The following CSNK1G1 variants were observed in gnomAD, a reference collection of about 807,000 sequenced individuals.
CSNK1G1 encodes casein kinase 1 gamma 1, also known as casein kinase I isoform gamma-1.
Under a neutral mutation model 59.6 loss-of-function variants are expected in CSNK1G1, and 22 were observed. The ratio of observed to expected loss-of-function variants is 0.37; its 90% CI spans 0.26 to 0.53. The LOEUF (loss-of-function observed/expected upper bound fraction) is 0.53, where lower values mean the gene tolerates loss of function less well. Among genes scored for constraint, CSNK1G1 ranks in the 20% least tolerant of loss-of-function variants. The pLI is 0.89. For missense variants in CSNK1G1, 384 were observed against 519.5 expected (o/e 0.74, Z 2.54); for synonymous variants, 179 against 177.1 (o/e 1.01, Z -0.08).
rs562325646 is a variant in CSNK1G1, at chr15:64,188,470, G to A, written c.1108-8016C>T. On this transcript the variant is annotated intron_variant, in intron 10 of 11. Transcript: ENST00000303052. This position sits in a 1 kb window ranked among gnomAD's most constrained non-coding sequence, Gnocchi z 4.2. ...GGCTGAATTTCCCACTCTCCTCGGC[G>A]CTCTGATGATACATTCTGCTTAGGC... 9.8e-6 allele frequency: 15 copies of A among 1,535,970 alleles called. No homozygotes were observed. The African/African-American group carries it at 1.5e-4, about 15-fold the overall frequency.
At chr15:64,338,237 A>G (rs1596295699) in intron 1 of CSNK1G1, among the ~76,000 whole-genome samples, 1 of 152,120 alleles carries the variant, frequency 6.6e-6, no homozygotes, top group African/African-American at 2.4e-5. Context: ...TAGAGTTCCA[A>G]TTTCTCCACA....
intron 10 of CSNK1G1, among the ~76,000 whole-genome samples, chr15:64,190,560 A>G (rs2081956988): frequency 6.6e-6 from 1 of 151,994 alleles, no homozygotes; most frequent in African/African-American, 2.4e-5. Flanking sequence ...GATTACAGGC[A>G]TGTGCCACCA....
chr15:64,241,642 A>G (rs1399772272), intron 4 of CSNK1G1, among the ~76,000 whole-genome samples: 2 of 152,216 alleles, frequency 1.3e-5, no homozygotes, highest in Non-Finnish European at 2.9e-5. Context: ...AGAGATCAAT[A>G]ACAAGAGGAA....
intron 1 of CSNK1G1, among the ~76,000 whole-genome samples, chr15:64,318,387 G>A (rs1293923994): frequency 1.3e-5 from 2 of 152,024 alleles, no homozygotes; most frequent in African/African-American, 2.4e-5. Context: ...GAAATTTGTG[G>A]CATGAGATTA....
At chr15:64,304,479 C>G (rs1895557911) in intron 1 of CSNK1G1, among the ~76,000 whole-genome samples, 1 of 150,600 alleles carries the variant, frequency 6.6e-6, no homozygotes. Context: ...ATTAAAGTTA[C>G]TAAGTTTTTT....
intron 1 of CSNK1G1, among the ~76,000 whole-genome samples, chr15:64,327,259 G>A (rs1401836753): frequency 2.6e-5 from 4 of 151,848 alleles, no homozygotes; most frequent in African/African-American, 7.3e-5. Flanking sequence ...AACCTCTGCA[G>A]ACTTAAATGT....
At chr15:64,226,596 A>G (rs76635506) in intron 4 of CSNK1G1, among the ~76,000 whole-genome samples, 8 of 150,174 alleles carry the variant, frequency 5.3e-5, no homozygotes, top group African/African-American at 1.7e-4. Flanking sequence ...AAAAAAAAAA[A>G]GGAGACTAAC....
intron 2 of CSNK1G1, among the ~76,000 whole-genome samples, chr15:64,282,220 T>C (rs961118049): frequency 6.6e-6 from 1 of 152,116 alleles, no homozygotes; most frequent in Non-Finnish European, 1.5e-5. Flanking sequence ...TGAACCATCA[T>C]GCCCAGCCTC....
chr15:64,174,580 T>C (rs1480330654), intron 11 of CSNK1G1, among the ~76,000 whole-genome samples: 2 of 152,180 alleles, frequency 1.3e-5, no homozygotes, highest in African/African-American at 4.8e-5. Flanking sequence ...ATGGCTTAGG[T>C]TTCCTTTCAG....
chr15:64,245,507 T>C (rs988361785), intron 4 of CSNK1G1, among the ~76,000 whole-genome samples: 3 of 152,172 alleles, frequency 2.0e-5, no homozygotes, highest in African/African-American at 7.2e-5. Context: ...TGTACGTCCA[T>C]GTTTATTACA....
intron 7 of CSNK1G1, among the ~76,000 whole-genome samples, chr15:64,205,695 G>T (rs771793021): frequency 6.6e-5 from 10 of 152,194 alleles, no homozygotes; most frequent in Non-Finnish European, 1.5e-4. Flanking sequence ...AATGATTTAT[G>T]GACAACGAGA....
At chr15:64,277,875 ATAT>A (rs1274138020) in intron 2 of CSNK1G1, among the ~76,000 whole-genome samples, 2 of 138,792 alleles carry the variant, frequency 1.4e-5, no homozygotes, top group Non-Finnish European at 1.5e-5. Context: ...TTTAATAATA[ATAT>A]TGATATATTT....
At chr15:64,178,788 T>TTG (rs142872852) in intron 11 of CSNK1G1, among the ~76,000 whole-genome samples, 111 of 150,018 alleles carry the variant, frequency 7.4e-4, no homozygotes, top group East Asian at 2.8e-3. Flanking sequence ...CCAAAAACTT[T>TTG]TGTGTGTGTG....
chr15:64,229,902 ATTTTTTTTTTTTTTTTTT>A (rs533868270), intron 4 of CSNK1G1, among the ~76,000 whole-genome samples: 34 of 43,806 alleles, frequency 7.8e-4, no homozygotes, highest in Admixed American at 2.8e-3. Context: ...ATGTTTGTAA[ATTTTTTTTTTTTTTTTTT>A]TTTTTTTTTT....
chr15:64,287,593 G>T (rs547754731), intron 2 of CSNK1G1, among the ~76,000 whole-genome samples: 1 of 152,252 alleles, frequency 6.6e-6, no homozygotes, highest in South Asian at 2.1e-4. Flanking sequence ...TCATCAGTAT[G>T]TTCTTCAAAG....
intron 2 of CSNK1G1, among the ~76,000 whole-genome samples, chr15:64,280,149 C>T (rs772549045): frequency 3.9e-5 from 6 of 152,228 alleles, no homozygotes; most frequent in East Asian, 3.9e-4. Flanking sequence ...AAGAAGTACA[C>T]GTATATACGC....
At chr15:64,173,802 C>T (rs1481369302) in intron 11 of CSNK1G1, among the ~76,000 whole-genome samples, 8 of 151,648 alleles carry the variant, frequency 5.3e-5, no homozygotes, top group African/African-American at 1.5e-4. Context: ...TTAGTAGAGA[C>T]GGGGTTTCAC....
chr15:64,341,663 CAG>C (rs1287704332), intron 1 of CSNK1G1, among the ~76,000 whole-genome samples: 2 of 151,996 alleles, frequency 1.3e-5, no homozygotes, highest in Non-Finnish European at 1.5e-5. Flanking sequence ...TTTATAGAGA[CAG>C]AGTCTTGCTA....
chr15:64,311,470 A>C (rs952745624), intron 1 of CSNK1G1, among the ~76,000 whole-genome samples: 1 of 152,228 alleles, frequency 6.6e-6, no homozygotes, highest in Non-Finnish European at 1.5e-5. Context: ...ACATTTATTC[A>C]AAGTGTTCCT....
Sources: allele counts gnomAD v4.1 joint callset (sites outside exome capture counted in the v4.1 genomes callset), GRCh38; gene constraint gnomAD v4.1.1; non-coding constraint Gnocchi (gnomAD v3.1); transcripts MANE v1.5; gene names NCBI Gene and HGNC (gene_info 2026-07-23, HGNC 2026-07-21).